The following COL4A2 variants were observed in gnomAD, a reference collection of about 807,000 sequenced individuals.
COL4A2 encodes collagen alpha-2(IV) chain.
COL4A2 carries 99 observed loss-of-function variants against 200.2 expected under a neutral mutation model. The ratio of observed to expected loss-of-function variants is 0.49; its 90% CI spans 0.42 to 0.58. The LOEUF (loss-of-function observed/expected upper bound fraction) is 0.58. Among genes scored for constraint, COL4A2 ranks in the 20% least tolerant of loss-of-function variants. The probability of loss-of-function intolerance (pLI) is 0.00; values close to 1 mark genes in which losing one functional copy is unlikely to be tolerated. For synonymous variants in COL4A2, 897 were observed against 900.6 expected (o/e 1.00, Z 0.07); for missense variants, 1,950 against 2,314.1 (o/e 0.84, Z 3.23).
At chr13:110,495,536 G>A (rs1883428594) in intron 40 of COL4A2, 69 bp downstream of exon 40, 1 of 1,562,666 alleles carries the variant, frequency 6.4e-7, no homozygotes, top group South Asian at 1.2e-5. Flanking sequence ...GTGGGGCCAT[G>A]GAGTGTCTAT....
intron 4 of COL4A2, among the ~76,000 whole-genome samples, chr13:110,408,728 C>T (rs967940896): frequency 7.9e-5 from 12 of 152,280 alleles, no homozygotes; most frequent in African/African-American, 2.9e-4. Flanking sequence ...AGCACATTCA[C>T]AGTGAGACAA....
rs562701263 is a variant in COL4A2 at position 110,493,207 on chromosome 13, G to A, written c.3563-4G>A. ...ATAAATAACGATGAGTGACACCCCC[G>A]CAGGTTTTCCGGGACTCCGTGGGAT... is the stretch of plus-strand genomic sequence containing the variant. On this transcript the variant is annotated splice_region_variant and splice_polypyrimidine_tract_variant and intron_variant, in intron 38 of 47. Transcript: ENST00000360467. 24 of 1,613,988 alleles carry A rather than the reference G, an allele frequency of 1.5e-5. No individual in the cohort carries two copies. In the East Asian group the frequency reaches 2.0e-4, roughly 13 times the overall value.
At chr13:110,325,831 T>C (rs1390821985) in intron 3 of COL4A2, among the ~76,000 whole-genome samples, 1 of 152,052 alleles carries the variant, frequency 6.6e-6, no homozygotes, top group African/African-American at 2.4e-5. Context: ...TCGCCCAGGC[T>C]GGAGTGCAGT....
Position 110,379,132 on chromosome 13 carries a change from G to A in COL4A2, c.180+21580G>A, listed in dbSNP as rs562135445. Among the ~76,000 whole-genome samples, 3 of 152,320 alleles carry A rather than the reference G, an allele frequency of 2.0e-5. No individual in the cohort carries two copies. The East Asian group carries it at 5.8e-4, about 29-fold the overall frequency. On this transcript the variant is annotated intron_variant, in intron 4 of 47. Transcript: ENST00000360467. ...TGAAAAGGGGCAGCTTCCTCTCAGG[G>A]ACATCAGACAAAATCTGAAGGCACT...
chr13:110,349,614 C>T (rs1365308092), intron 3 of COL4A2, among the ~76,000 whole-genome samples: 2 of 152,180 alleles, frequency 1.3e-5, no homozygotes, highest in Non-Finnish European at 2.9e-5. Context: ...GAGCCTGGTT[C>T]AAGAAACTAG....
chr13:110,379,847 G>A (rs58709564), intron 4 of COL4A2, among the ~76,000 whole-genome samples: 1 of 152,236 alleles, frequency 6.6e-6, no homozygotes, highest in East Asian at 1.9e-4. Flanking sequence ...TTATTTGGGA[G>A]GTGCAGCTGA....
intron 4 of COL4A2, among the ~76,000 whole-genome samples, chr13:110,371,032 A>C (rs965939896): frequency 2.6e-5 from 4 of 152,268 alleles, no homozygotes; most frequent in Non-Finnish European, 5.9e-5. Flanking sequence ...GAAGGAAATA[A>C]AGTTTAACAA....
chr13:110,436,382 T>G lies in COL4A2; in HGVS notation c.825+15T>G. On this transcript the variant is annotated intron_variant, in intron 13 of 47. Coordinates refer to ENST00000360467, the MANE Select transcript of COL4A2 (RefSeq NM_001846.4). ...ATCAGTACAAGGTAAAGAGCAAAAT[T>G]GACTCTTTTCATAGTTGAAATAAAA... 1.9e-6 allele frequency: 3 copies of G among 1,606,694 alleles called. No individual in the cohort carries two copies. Among genetic ancestry groups the G allele is most frequent in the Middle Eastern group, 1.7e-4 (1 of 6,034 alleles).
intron 4 of COL4A2, among the ~76,000 whole-genome samples, chr13:110,402,023 A>G (rs1166132603): frequency 6.6e-6 from 1 of 152,178 alleles, no homozygotes. Context: ...CAGCTTATGA[A>G]TTTTGGAGGG....
chr13:110,366,425 C>T (rs1226128737), intron 4 of COL4A2, among the ~76,000 whole-genome samples: 1 of 152,152 alleles, frequency 6.6e-6, no homozygotes, highest in African/African-American at 2.4e-5. Context: ...CTAAATGTTC[C>T]TGCCTGTGAG....
chr13:110,387,222 G>C (rs972675147), intron 4 of COL4A2, among the ~76,000 whole-genome samples: 1 of 152,160 alleles, frequency 6.6e-6, no homozygotes, highest in African/African-American at 2.4e-5. Flanking sequence ...CCAGGAGACA[G>C]AGTTAGACTC....
intron 41 of COL4A2, 81 bp downstream of exon 41, chr13:110,501,865 C>T: frequency 7.3e-7 from 1 of 1,365,648 alleles, no homozygotes; most frequent in Non-Finnish European, 1.0e-6. Context: ...AGGGGGAGAA[C>T]AGACGTTCAT....
At chr13:110,446,655 C>T in intron 17 of COL4A2, 143 bp from the exon 18 acceptor site, 1 of 645,588 alleles carries the variant, frequency 1.5e-6, no homozygotes, top group Non-Finnish European at 2.7e-6. Context: ...CTGCCCCAGG[C>T]ACTGTCTGTG....
intron 3 of COL4A2, among the ~76,000 whole-genome samples, chr13:110,321,886 C>T (rs2139352193): frequency 6.6e-6 from 1 of 152,166 alleles, no homozygotes; most frequent in South Asian, 2.1e-4. Flanking sequence ...GGAAACCATC[C>T]CCATAATTCA....
rs1367696177 is a variant in COL4A2 at position 110,307,539 on chromosome 13, C to T, written c.-45+11C>T. The T allele has an allele frequency of 1.0e-5, 3 of 301,292 alleles. No individual in the cohort carries two copies. The highest frequency in any genetic ancestry group is 1.8e-5 in the Non-Finnish European group (3 of 164,076). 18.7% of individuals were successfully genotyped at this position (301,292 alleles called of 1,614,324 possible). On this transcript the variant is annotated intron_variant, in intron 1 of 47. Transcript: ENST00000360467. The surrounding 1 kb of genome is among the most constrained non-coding windows in gnomAD (Gnocchi z 5.0). ...GAAGCCGAGCCCGAGGTGAGAGCGA[C>T]CCCCGAGCGGCGCCCAGACCCTGGC...
intron 33 of COL4A2, among the ~76,000 whole-genome samples, chr13:110,485,252 G>A (rs1052453087): frequency 4.6e-5 from 7 of 152,282 alleles, no homozygotes; most frequent in East Asian, 1.9e-4. Context: ...GGCCGGGCGC[G>A]GTGGCTCACG....
At chr13:110,354,683 A>G (rs1452022754) in intron 3 of COL4A2, among the ~76,000 whole-genome samples, 3 of 151,544 alleles carry the variant, frequency 2.0e-5, no homozygotes, top group Admixed American at 6.6e-5. Flanking sequence ...GTAAAGAATT[A>G]TAAGAAGAAC....
rs757226079 is a variant in COL4A2, at chr13:110,491,316, C to T, written c.3430C>T (p.Pro1144Ser). Residue 1144 changes from proline (P) to serine (S), a missense_variant, in exon 37 of 48, where the codon CCT (proline) becomes TCT (serine). Coordinates refer to ENST00000360467, the MANE Select transcript of COL4A2 (RefSeq NM_001846.4). ...AACAGGCGTGACTGGAGTCCAAGGC[C>T]CTCCTGGACTTAAAGGACAAACAGG... ...GITGVTGVQG[P>S]PGLKGQTGFP... 4 of 1,591,726 alleles carry T rather than the reference C, an allele frequency of 2.5e-6. No homozygotes were observed. The highest frequency in any genetic ancestry group is 2.7e-5 in the African/African-American group (2 of 74,308).
At chr13:110,413,428 A>G (rs12866564) in intron 4 of COL4A2, among the ~76,000 whole-genome samples, 7,659 of 152,224 alleles carry the variant, frequency 0.05, 188 homozygotes, top group Middle Eastern at 0.11. Context: ...CATGGGGAAG[A>G]AGCCCCGGCC....
Sources: gnomAD v4.1 joint callset for allele counts (sites outside exome capture counted in the v4.1 genomes callset) on GRCh38, gnomAD v4.1.1 for gene constraint, Gnocchi (gnomAD v3.1) non-coding constraint, MANE v1.5 for transcripts, NCBI Gene and HGNC (gene_info 2026-07-23, HGNC 2026-07-21) for gene names.